DRC8: variants seen among roughly 807,000 people sequenced by gnomAD.
DRC8 encodes the protein dynein regulatory complex protein 8.
the DRC8 span, among the ~76,000 whole-genome samples, chr1:245,092,092 C>T: frequency 1.9e-4 from 29 of 152,310 alleles, no homozygotes; most frequent in South Asian, 5.8e-3. Context: ...TGCTCTGATC[C>T]CAGCTTCATG....
At chr1:245,070,442 G>A in the DRC8 span, among the ~76,000 whole-genome samples, 385 of 152,324 alleles carry the variant, frequency 2.5e-3, 4 homozygotes, top group Non-Finnish European at 2.8e-3. Context: ...TCAGATGCCA[G>A]AGGGCCTTGT....
the DRC8 span, among the ~76,000 whole-genome samples, chr1:245,063,777 A>C: frequency 6.6e-6 from 1 of 152,182 alleles, no homozygotes; most frequent in Non-Finnish European, 1.5e-5. Context: ...GCTGGAGTGC[A>C]GTGGCACAAT....
At chr1:245,008,864 T>C in the DRC8 span, among the ~76,000 whole-genome samples, 1 of 151,178 alleles carries the variant, frequency 6.6e-6, no homozygotes, top group South Asian at 2.1e-4. Context: ...TGTGTGTGTG[T>C]GTATGTAGAA....
the DRC8 span, among the ~76,000 whole-genome samples, chr1:245,104,376 T>TGC: frequency 3.3e-5 from 5 of 151,770 alleles, no homozygotes; most frequent in Non-Finnish European, 1.5e-5. Context: ...TGGTGGCGCA[T>TGC]GCCTGTAATC....
chr1:245,050,137 G>A, the DRC8 span, among the ~76,000 whole-genome samples: 3 of 152,244 alleles, frequency 2.0e-5, no homozygotes, highest in Non-Finnish European at 2.9e-5. Context: ...GGAAGACCTA[G>A]AGAAGATGTT....
chr1:245,028,872 A>G, the DRC8 span, among the ~76,000 whole-genome samples: 1 of 152,370 alleles, frequency 6.6e-6, no homozygotes, highest in South Asian at 2.1e-4. Flanking sequence ...ACACAAGGAA[A>G]TGCAGGTATA....
the DRC8 span, chr1:245,121,979 A>C: frequency 2.6e-6 from 1 of 392,120 alleles, no homozygotes; most frequent in Non-Finnish European, 4.9e-6. Flanking sequence ...GCTCGTTGCA[A>C]CCTCCACCTC....
At chr1:245,020,820 G>A in the DRC8 span, among the ~76,000 whole-genome samples, 1 of 151,138 alleles carries the variant, frequency 6.6e-6, no homozygotes, top group African/African-American at 2.4e-5. Context: ...AGTAGAGACG[G>A]GGTTTCACCA....
the DRC8 span, among the ~76,000 whole-genome samples, chr1:244,990,459 AG>A: frequency 6.6e-6 from 1 of 152,206 alleles, no homozygotes; most frequent in Non-Finnish European, 1.5e-5. Flanking sequence ...CTCGTGGATA[AG>A]GGGAGACTAC....
the DRC8 span, among the ~76,000 whole-genome samples, chr1:245,034,149 T>C: frequency 6.6e-6 from 1 of 152,340 alleles, no homozygotes; most frequent in African/African-American, 2.4e-5. Context: ...TTACACCCTT[T>C]CTGGGAAATC....
the DRC8 span, among the ~76,000 whole-genome samples, chr1:245,120,920 C>T: frequency 1.3e-5 from 2 of 152,202 alleles, no homozygotes; most frequent in Non-Finnish European, 2.9e-5. Flanking sequence ...TGACACCTGG[C>T]CTTTTACAAA....
chr1:244,975,993 G>T, the DRC8 span, among the ~76,000 whole-genome samples: 1 of 152,092 alleles, frequency 6.6e-6, no homozygotes, highest in Non-Finnish European at 1.5e-5. Context: ...AGTTGGCCAG[G>T]CGTGGTGGCT....
chr1:245,052,404 G>A, the DRC8 span, among the ~76,000 whole-genome samples: 1 of 152,218 alleles, frequency 6.6e-6, no homozygotes, highest in African/African-American at 2.4e-5. Context: ...GTAGAGGACT[G>A]AGCAGCCGTG....
chr1:245,084,059 T>A, the DRC8 span, among the ~76,000 whole-genome samples: 56 of 31,114 alleles, frequency 1.8e-3, 1 homozygote, highest in Admixed American at 1.8e-3. Context: ...ATATAAAAAT[T>A]CCGCCCCCCC....
chr1:245,029,649 G>T, the DRC8 span, among the ~76,000 whole-genome samples: 1 of 148,658 alleles, frequency 6.7e-6, no homozygotes, highest in African/African-American at 2.5e-5. Context: ...GGACTGGAGT[G>T]CAATGATGTG....
chr1:245,022,333 T>C, the DRC8 span, among the ~76,000 whole-genome samples: 5 of 151,362 alleles, frequency 3.3e-5, no homozygotes, highest in South Asian at 4.2e-4. Context: ...TTTTTTTTTT[T>C]CCATACTTTT....
At chr1:245,059,413 A>G in the DRC8 span, 1 of 1,612,210 alleles carries the variant, frequency 6.2e-7, no homozygotes. Context: ...TCAGGTCATT[A>G]GGATGCTGTC....
the DRC8 span, among the ~76,000 whole-genome samples, chr1:245,039,488 A>AGAGAG: frequency 6.8e-6 from 1 of 147,768 alleles, no homozygotes; most frequent in African/African-American, 2.5e-5. Context: ...AAAAAAAAAA[A>AGAGAG]AGAGTTTGTG....
chr1:245,047,927 A>G, the DRC8 span, among the ~76,000 whole-genome samples: 4 of 147,948 alleles, frequency 2.7e-5, no homozygotes, highest in African/African-American at 7.4e-5. Context: ...GTGAGCTGAG[A>G]TGGTGCCACT....
Sources: gnomAD v4.1 joint callset for allele counts (sites outside exome capture counted in the v4.1 genomes callset) on GRCh38, gnomAD v4.1.1 for gene constraint, MANE v1.5 for transcripts, NCBI Gene and HGNC (gene_info 2026-07-23, HGNC 2026-07-21) for gene names.